USP49: variants seen among roughly 807,000 people sequenced by gnomAD.
USP49 encodes the protein ubiquitin carboxyl-terminal hydrolase 49.
Under a neutral mutation model 58.6 loss-of-function variants are expected in USP49, and 24 were observed. The observed-to-expected ratio is 0.41, with a 90% CI of 0.30 to 0.58. USP49 has a LOEUF of 0.58. USP49 is among the 20% of genes least tolerant of loss of function. The pLI is 0.30. For missense variants in USP49, 703 were observed against 866.1 expected, an observed-to-expected ratio of 0.81 and a Z score of 2.36; for synonymous variants, 408 against 365.1, an observed-to-expected ratio of 1.12 and a Z score of -1.34.
intron 3 of USP49, among the ~76,000 whole-genome samples, chr6:41,811,460 AG>A (rs1344559392): frequency 6.6e-6 from 1 of 152,216 alleles, no homozygotes; most frequent in Non-Finnish European, 1.5e-5. Flanking sequence ...ATGTATGTAC[AG>A]GAAAAAAACA....
intron 2 of USP49, chr6:41,874,069 T>C (rs1019949672): frequency 6.6e-6 from 1 of 152,212 alleles, no homozygotes; most frequent in Non-Finnish European, 1.5e-5. Context: ...CAGGAGGCCA[T>C]ATTCCAAGCT....
chr6:41,855,034 A>C (rs1774101244), intron 3 of USP49, among the ~76,000 whole-genome samples: 1 of 151,484 alleles, frequency 6.6e-6, no homozygotes, highest in African/African-American at 2.4e-5. Flanking sequence ...TTGGCCTCCC[A>C]AAGTGCTGGG....
rs1772821647 is a variant in USP49 at position 41,792,918 on chromosome 6, T to A, written c.*3615A>T. The A allele has an allele frequency of 6.6e-6, 1 of 152,136 alleles. No homozygotes were observed. The highest frequency in any genetic ancestry group is 6.6e-5 in the Admixed American group (1 of 15,262). 9.4% of individuals were successfully genotyped at this position (152,136 alleles called of 1,614,324 possible). ...AGCTTTATCAGTAAGTAGAACAAACTCCATTTCTCCCTCCCGGCCAGCCCA... is the reference window on the plus strand; with the variant it reads ...AGCTTTATCAGTAAGTAGAACAAACACCATTTCTCCCTCCCGGCCAGCCCA... On this transcript the variant is annotated 3_prime_UTR_variant, in exon 8 of 8. Coordinates refer to ENST00000682992, the MANE Select transcript of USP49 (RefSeq NM_001286554.2).
intron 3 of USP49, among the ~76,000 whole-genome samples, chr6:41,857,880 C>G (rs951747383): frequency 6.6e-6 from 1 of 152,216 alleles, no homozygotes; most frequent in African/African-American, 2.4e-5. Context: ...ATGGATGAAT[C>G]TCCTGAAACC....
intron 3 of USP49, among the ~76,000 whole-genome samples, chr6:41,817,571 T>A (rs1484117717): frequency 6.6e-6 from 1 of 150,786 alleles, no homozygotes; most frequent in Non-Finnish European, 1.5e-5. Context: ...GTGATTCTCC[T>A]GCCTCAGCCT....
At chr6:41,807,889 T>C (rs1773171372) in intron 3 of USP49, among the ~76,000 whole-genome samples, 1 of 151,688 alleles carries the variant, frequency 6.6e-6, no homozygotes, top group Non-Finnish European at 1.5e-5. Context: ...TTCTCCTGCC[T>C]CAGCCTCCCA....
intron 3 of USP49, among the ~76,000 whole-genome samples, chr6:41,843,561 G>A (rs1773866057): frequency 6.6e-6 from 1 of 152,202 alleles, no homozygotes; most frequent in Non-Finnish European, 1.5e-5. Context: ...TGGGAGGATC[G>A]TTTGAGCCCA....
At chr6:41,823,987 G>T (rs1387155123) in intron 3 of USP49, among the ~76,000 whole-genome samples, 1 of 152,154 alleles carries the variant, frequency 6.6e-6, no homozygotes, top group Non-Finnish European at 1.5e-5. Flanking sequence ...GCCTAAAGTT[G>T]GAGAGCACTA....
chr6:41,817,457 C>CTTTTTTTTT (rs58559695), intron 3 of USP49, among the ~76,000 whole-genome samples: 1 of 74,812 alleles, frequency 1.3e-5, no homozygotes, highest in Non-Finnish European at 2.5e-5. Context: ...TTCTTTCTTT[C>CTTTTTTTTT]TTTTTTTTTT....
Position 41,806,639 on chromosome 6 carries a change from C to A in USP49, c.345G>T (p.Arg115=). ...CACCCGAAGCCATGGACCGCAGCGT[C>A]CGCCCACGTCTCACCGGCGTGTCCT... ...QKQDTPVRRG[R]TLRSMASGED... The change falls in exon 4 of 8, where the codon CGG becomes CGT. Residue 115 remains arginine (R), a synonymous_variant. Transcript: ENST00000682992. The surrounding 1 kb of genome is among the most constrained non-coding windows in gnomAD (Gnocchi z 5.9). 1 of 1,613,394 alleles carries A rather than the reference C, an allele frequency of 6.2e-7. No homozygotes were observed. Among genetic ancestry groups the A allele is most frequent in the Non-Finnish European group, 8.5e-7 (1 of 1,179,926 alleles).
intron 3 of USP49, among the ~76,000 whole-genome samples, chr6:41,821,729 G>C (rs898698199): frequency 7.2e-5 from 11 of 152,052 alleles, no homozygotes; most frequent in Admixed American, 6.6e-4. Context: ...AGCCGAGATC[G>C]CACCACTGCA....
intron 3 of USP49, among the ~76,000 whole-genome samples, chr6:41,848,779 C>T (rs938036404): frequency 6.6e-6 from 1 of 151,366 alleles, no homozygotes; most frequent in Admixed American, 6.6e-5. Flanking sequence ...GGTGTGAACC[C>T]GGGAGGCAGA....
At chr6:41,851,371 A>G (rs1774024514) in intron 3 of USP49, among the ~76,000 whole-genome samples, 1 of 152,228 alleles carries the variant, frequency 6.6e-6, no homozygotes, top group South Asian at 2.1e-4. Context: ...TTAACAGAAT[A>G]AGGACAAAAA....
intron 2 of USP49, among the ~76,000 whole-genome samples, chr6:41,878,950 A>G (rs1490633888): frequency 6.6e-6 from 1 of 152,222 alleles, no homozygotes; most frequent in Non-Finnish European, 1.5e-5. Flanking sequence ...GAATTGCTGC[A>G]ATTCTAGTAA....
intron 2 of USP49, among the ~76,000 whole-genome samples, chr6:41,891,582 T>C (rs1342609567): frequency 1.3e-5 from 2 of 152,206 alleles, no homozygotes; most frequent in Non-Finnish European, 2.9e-5. Flanking sequence ...TAAGGTCTTA[T>C]AAATACAAAA....
At chr6:41,839,366 C>T (rs1773780491) in intron 3 of USP49, among the ~76,000 whole-genome samples, 1 of 128,190 alleles carries the variant, frequency 7.8e-6, no homozygotes, top group Non-Finnish European at 1.6e-5. Flanking sequence ...GATTGTGCCA[C>T]TGCGCTCCAG....
chr6:41,834,202 C>T (rs1773686262), intron 3 of USP49, among the ~76,000 whole-genome samples: 1 of 152,204 alleles, frequency 6.6e-6, no homozygotes, highest in Non-Finnish European at 1.5e-5. Context: ...TAGTTAATAA[C>T]TACCAATTCC....
chr6:41,840,240 G>A (rs962885916), intron 3 of USP49, among the ~76,000 whole-genome samples: 1 of 151,830 alleles, frequency 6.6e-6, no homozygotes, highest in Admixed American at 6.6e-5. Flanking sequence ...CGTGCATGGT[G>A]GTGGGCGCCT....
chr6:41,889,283 T>A (rs1258996781), intron 2 of USP49, among the ~76,000 whole-genome samples: 1 of 152,278 alleles, frequency 6.6e-6, no homozygotes, highest in East Asian at 1.9e-4. Context: ...TCCACCTGCC[T>A]CAGCCTCCCA....
Sources: gnomAD v4.1 joint callset for allele counts (sites outside exome capture counted in the v4.1 genomes callset) on GRCh38, gnomAD v4.1.1 for gene constraint, Gnocchi (gnomAD v3.1) non-coding constraint, MANE v1.5 for transcripts, NCBI Gene and HGNC (gene_info 2026-07-23, HGNC 2026-07-21) for gene names.